Variants in FRY observed in about 807,000 individuals in gnomAD.
FRY encodes the protein protein furry homolog.
FRY carries 128 observed loss-of-function variants against 348.4 expected under a neutral mutation model. The observed-to-expected ratio is 0.37, with a 90% CI of 0.32 to 0.43. The LOEUF (loss-of-function observed/expected upper bound fraction) is 0.43, where lower values mean the gene tolerates loss of function less well. Among genes scored for constraint, FRY ranks in the 20% least tolerant of loss-of-function variants. The pLI is 1.00. For synonymous variants in FRY, 1,370 were observed against 1,374.7 expected (o/e 1.00, Z 0.08); for missense variants, 2,736 against 3,695.2 (o/e 0.74, Z 6.73).
At chr13:32,179,070 G>GTT in intron 22 of FRY, 37 bp downstream of exon 22, 1 of 1,532,164 alleles carries the variant, frequency 6.5e-7, no homozygotes, top group Non-Finnish European at 9.0e-7. Flanking sequence ...ATTCTGTAAG[G>GTT]TTTTTTTTTA....
chr13:32,131,548 T>G, intron 7 of FRY, 124 bp from the exon 8 acceptor site: 1 of 707,346 alleles, frequency 1.4e-6, no homozygotes, highest in African/African-American at 1.8e-5. Context: ...AAATCATGGC[T>G]GTTGTACTTG....
At chr13:32,172,282 T>G (rs2138217259) in intron 18 of FRY, among the ~76,000 whole-genome samples, 1 of 152,188 alleles carries the variant, frequency 6.6e-6, no homozygotes, top group Non-Finnish European at 1.5e-5. Flanking sequence ...TGGATGTAGA[T>G]GTGGATATGG....
At position 32,295,726 on chromosome 13, in the gene FRY, C is replaced by T; in HGVS notation, c.*266C>T. 5.5e-6 allele frequency: 3 copies of T among 547,790 alleles called. No homozygotes were observed. The highest frequency in any genetic ancestry group is 3.1e-5 in the East Asian group (1 of 32,464). The allele number at this position is 547,790 out of a possible 1,614,324, so 33.9% of individuals were successfully genotyped here. ...TACATTTGACCGAGCATATGCAACT[C>T]GCTACTGAAGAAGTGACTTCCGTTG... On this transcript the variant is annotated 3_prime_UTR_variant, in exon 61 of 61. Transcript: ENST00000542859.
chr13:32,081,263 G>A (rs1480019792), intron 2 of FRY, among the ~76,000 whole-genome samples: 3 of 152,124 alleles, frequency 2.0e-5, no homozygotes, highest in Admixed American at 6.5e-5. Flanking sequence ...TCTGGGTGTT[G>A]ATGGCCAACA....
intron 7 of FRY, among the ~76,000 whole-genome samples, chr13:32,129,748 G>C (rs997897254): frequency 6.6e-6 from 1 of 152,040 alleles, no homozygotes; most frequent in African/African-American, 2.4e-5. Context: ...TTTTTATTAA[G>C]AAATACATGT....
chr13:32,249,464 A>G, intron 48 of FRY, 62 bp from the exon 49 acceptor site: 1 of 1,576,626 alleles, frequency 6.3e-7, no homozygotes, highest in Non-Finnish European at 8.7e-7. Flanking sequence ...TTCTGGGGAG[A>G]AGGGTTTCAT....
At chr13:32,264,881 G>C (rs975817065) in intron 53 of FRY, among the ~76,000 whole-genome samples, 4 of 152,234 alleles carry the variant, frequency 2.6e-5, no homozygotes, top group Non-Finnish European at 4.4e-5. Flanking sequence ...GATCACTCGT[G>C]CATACCACAG....
At chr13:32,259,580 G>C (rs1442516435) in intron 51 of FRY, among the ~76,000 whole-genome samples, 1 of 152,204 alleles carries the variant, frequency 6.6e-6, no homozygotes, top group African/African-American at 2.4e-5. Context: ...CAGAATCGCT[G>C]CCTAAGATAG....
chr13:32,254,509 TG>T, intron 51 of FRY, 115 bp downstream of exon 51: 2 of 1,075,768 alleles, frequency 1.9e-6, no homozygotes, highest in Non-Finnish European at 2.8e-6. Flanking sequence ...ATTGGAAAGT[TG>T]TAAACTTTAT....
At chr13:32,287,540 T>C (rs1010086105) in intron 58 of FRY, among the ~76,000 whole-genome samples, 1 of 152,256 alleles carries the variant, frequency 6.6e-6, no homozygotes, top group Non-Finnish European at 1.5e-5. Flanking sequence ...TGCACACTTA[T>C]ACGCTAAAAT....
intron 1 of FRY, among the ~76,000 whole-genome samples, chr13:32,060,681 T>C (rs1181594203): frequency 1.3e-5 from 2 of 152,152 alleles, no homozygotes; most frequent in Non-Finnish European, 2.9e-5. Flanking sequence ...GGGGGCAGCG[T>C]GTGTATTTGC....
rs1878927158 is a variant in FRY, at chr13:32,124,824, A to G, written c.665A>G (p.His222Arg). 1 of 1,613,266 alleles carries G rather than the reference A, an allele frequency of 6.2e-7. No homozygotes were observed. The highest frequency in any genetic ancestry group is 1.1e-5 in the South Asian group (1 of 91,072). ...CTTGGTCCCAACACTGGCAATATGC[A>G]TATTGTGGCAGACCTGTATGCAGAA... ...GYLGPNTGNM[H>R]IVADLYAEVI... Residue 222 changes from histidine to arginine, a missense_variant, in exon 7 of 61, where the codon CAT (histidine) becomes CGT (arginine). Physicochemically the swap from His to Arg is conservative, Grantham distance 29 (BLOSUM62 0). Coordinates refer to ENST00000542859, the MANE Select transcript of FRY (RefSeq NM_023037.3).
Position 32,171,260 on chromosome 13 carries a change from G to A in FRY, c.2141G>A (p.Arg714Lys). 1 of 1,430,038 alleles carries A rather than the reference G, an allele frequency of 7.0e-7. No homozygotes were observed. Among genetic ancestry groups the A allele is most frequent in the African/African-American group, 1.5e-5 (1 of 67,930 alleles). The allele number at this position is 1,430,038 out of a possible 1,614,324, so 88.6% of individuals were successfully genotyped here. A position where few individuals can be genotyped will look rare whatever the true frequency, so the allele number is the denominator to read the frequency against. The change falls in exon 18 of 61, where the codon AGA (arginine) becomes AAA (lysine). Residue 714 changes from arginine to lysine, a missense_variant. Physicochemically the swap from Arg to Lys is conservative, Grantham distance 26. Coordinates refer to ENST00000542859, the MANE Select transcript of FRY (RefSeq NM_023037.3). ...GTCTATGAACAAGCCAACAAAATCAGAAATTCAGAGGTGATTTTCACACCT... is the reference window on the plus strand; with the variant it reads ...GTCTATGAACAAGCCAACAAAATCAAAAATTCAGAGGTGATTTTCACACCT... ...GKVYEQANKI[R>K]NSELIANGSS...
At chr13:32,083,524 T>C (rs1021962597) in intron 2 of FRY, among the ~76,000 whole-genome samples, 2 of 152,162 alleles carry the variant, frequency 1.3e-5, no homozygotes, top group Non-Finnish European at 2.9e-5. Context: ...TGAGCCTCTT[T>C]TTCTGTGAGT....
intron 7 of FRY, among the ~76,000 whole-genome samples, chr13:32,126,600 G>C (rs1879034873): frequency 6.6e-6 from 1 of 152,164 alleles, no homozygotes; most frequent in Admixed American, 6.5e-5. Flanking sequence ...TGAACCGTTT[G>C]GCCAGTCTGC....
At chr13:32,273,324 G>A (rs1888306882) in intron 55 of FRY, among the ~76,000 whole-genome samples, 2 of 150,248 alleles carry the variant, frequency 1.3e-5, no homozygotes, top group Admixed American at 6.7e-5. Context: ...TGGGGTTCAC[G>A]CCATTCTCCT....
Position 32,210,980 on chromosome 13 carries a change from A to C in FRY, c.4537A>C (p.Asn1513His). ...GAACCCCATCGTCCAGCATTGTGAC[A>C]ACCCGCCCTTCTACCGCTTCACGGC... ...PVNPIVQHCD[N>H]PPFYRFTASS... The change falls in exon 34 of 61, where the codon AAC (asparagine) becomes CAC (histidine). Residue 1513 changes from asparagine (N) to histidine (H), a missense_variant. Physicochemically the swap from Asn to His is moderately conservative, Grantham distance 68. Transcript: ENST00000542859. 6.2e-7 allele frequency: 1 copy of C among 1,614,022 alleles called. No homozygotes were observed. Among genetic ancestry groups the C allele is most frequent in the Non-Finnish European group, 8.5e-7 (1 of 1,179,870 alleles).
chr13:32,102,048 C>A, intron 3 of FRY, 32 bp downstream of exon 3: 2 of 1,288,958 alleles, frequency 1.6e-6, no homozygotes, highest in Non-Finnish European at 2.3e-6. Context: ...TACTAGTTTT[C>A]CTTTATTTCA....
chr13:32,076,422 G>A (rs774193508), intron 1 of FRY, among the ~76,000 whole-genome samples: 1 of 152,214 alleles, frequency 6.6e-6, no homozygotes, highest in Non-Finnish European at 1.5e-5. Context: ...CTAAGCTGGT[G>A]TTGGGGAGGT....
Sources: allele counts gnomAD v4.1 joint callset (sites outside exome capture counted in the v4.1 genomes callset), GRCh38; gene constraint gnomAD v4.1.1; transcripts MANE v1.5; gene names NCBI Gene and HGNC (gene_info 2026-07-23, HGNC 2026-07-21).